ZNF267: variants seen among roughly 807,000 people sequenced by gnomAD.
ZNF267 encodes zinc finger (C2H2).
Under a neutral mutation model 71.6 loss-of-function variants are expected in ZNF267, and 61 were observed. The ratio of observed to expected loss-of-function variants is 0.85; its 90% CI spans 0.69 to 1.05. The LOEUF (loss-of-function observed/expected upper bound fraction) is 1.05. ZNF267 is among the 50% of genes least tolerant of loss of function. The pLI, the probability that ZNF267 is intolerant of heterozygous loss-of-function variation, is 0.00. For synonymous variants in ZNF267, 288 were observed against 293.2 expected, an observed-to-expected ratio of 0.98 and a Z score of 0.18; for missense variants, 852 against 870.0, an observed-to-expected ratio of 0.98 and a Z score of 0.26.
chr16:31,874,002 A>T (rs200426338), intron 1 of ZNF267, 33 bp downstream of exon 1: 3 of 1,603,170 alleles, frequency 1.9e-6, no homozygotes, highest in East Asian at 4.5e-5. Context: ...CCCCAGAGGG[A>T]GGGAGGGCGG....
At chr16:31,881,820 A>G (rs979581134) in intron 1 of ZNF267, among the ~76,000 whole-genome samples, 1 of 151,910 alleles carries the variant, frequency 6.6e-6, no homozygotes, top group Admixed American at 6.6e-5. Context: ...GTGTGCCACC[A>G]TGCACAGCTG....
chr16:31,917,164 C>T lies in ZNF267; in HGVS notation c.*683C>T, dbSNP rs1383083855. The T allele has an allele frequency of 1.3e-5, 2 of 151,792 alleles. No homozygotes were observed. The highest frequency in any genetic ancestry group is 4.8e-5 in the African/African-American group (2 of 41,302). The allele number at this position is 151,792 out of a possible 1,614,324, so 9.4% of individuals were successfully genotyped here. A position where few individuals can be genotyped will look rare whatever the true frequency, so the allele number is the denominator to read the frequency against. On this transcript the variant is annotated 3_prime_UTR_variant, in exon 4 of 4. Coordinates refer to ENST00000300870, the MANE Select transcript of ZNF267 (RefSeq NM_003414.6). ...AATATGTGTTCTGTTTTTTTTTCTGCATCAGAACAATGTGAGGTCATTCTA... is the reference window on the plus strand; with the variant it reads ...AATATGTGTTCTGTTTTTTTTTCTGTATCAGAACAATGTGAGGTCATTCTA...
In ZNF267 at chr16:31,914,832, G is replaced by T; in HGVS notation, c.583G>T (p.Val195Leu). The change falls in exon 4 of 4, where the codon GTG (valine) becomes TTG (leucine). Residue 195 changes from valine to leucine, a missense_variant. Physicochemically the swap from Val to Leu is conservative, Grantham distance 32 (BLOSUM62 1). Transcript: ENST00000300870. ...ACATCACATATATGATAAAACTTCA[G>T]TGTTATTTAGGCAGGTCTCTACTCT... Reference protein sequence around the residue: ...GKHHIYDKTSVLFRQVSTLNS... With the variant: ...GKHHIYDKTSLLFRQVSTLNS... The T allele has an allele frequency of 6.2e-7, 1 of 1,610,802 alleles. No individual in the cohort carries two copies. The highest frequency in any genetic ancestry group is 8.5e-7 in the Non-Finnish European group (1 of 1,179,064).
intron 1 of ZNF267, among the ~76,000 whole-genome samples, chr16:31,877,158 CTG>C (rs1390143434): frequency 6.6e-6 from 1 of 152,102 alleles, no homozygotes; most frequent in African/African-American, 2.4e-5. Flanking sequence ...GGTTTTCCCC[CTG>C]TGTTTTCCTA....
intron 3 of ZNF267, among the ~76,000 whole-genome samples, chr16:31,895,742 T>A (rs2083993584): frequency 2.0e-5 from 3 of 152,248 alleles, no homozygotes; most frequent in Non-Finnish European, 4.4e-5. Context: ...GAGCATTTTT[T>A]ATGTACCTGT....
chr16:31,892,148 G>A (rs1253100352), intron 3 of ZNF267, among the ~76,000 whole-genome samples: 2 of 152,136 alleles, frequency 1.3e-5, no homozygotes, highest in Admixed American at 6.5e-5. Flanking sequence ...ACAGTTCCAC[G>A]TGGCTGGGGA....
intron 3 of ZNF267, 138 bp downstream of exon 3, chr16:31,885,394 C>A: frequency 2.9e-6 from 2 of 679,752 alleles, no homozygotes; most frequent in Non-Finnish European, 4.6e-6. Context: ...CTTTCCCTTG[C>A]TGTCAAAGAG....
At chr16:31,906,091 G>A (rs1417385508) in intron 3 of ZNF267, among the ~76,000 whole-genome samples, 4 of 152,200 alleles carry the variant, frequency 2.6e-5, no homozygotes, top group African/African-American at 7.2e-5. Context: ...GGTGGCTGCT[G>A]AACAGCGGAT....
At position 31,873,907 on chromosome 16, in the gene ZNF267, C is replaced by G. The variant is rs957026129; in HGVS notation, c.-60C>G. On this transcript the variant is annotated 5_prime_UTR_variant, in exon 1 of 4. Transcript: ENST00000300870. ...AATAAACAGAACCTCTGTTGCTCTG[C>G]GACTTGCAGGCACTGGGAGATTCGT... is the stretch of plus-strand genomic sequence containing the variant. The G allele has an allele frequency of 5.2e-5, 84 of 1,611,652 alleles. No homozygotes were observed. Among genetic ancestry groups the G allele is most frequent in the Non-Finnish European group, 6.3e-5 (74 of 1,178,024 alleles).
Position 31,915,056 on chromosome 16 carries a change from T to C in ZNF267, c.807T>C (p.Cys269=). The change falls in exon 4 of 4, where the codon TGT becomes TGC. Residue 269 remains cysteine (C), a synonymous_variant. Coordinates refer to ENST00000300870, the MANE Select transcript of ZNF267 (RefSeq NM_003414.6). ...AGAAACAAGAACAGTCTTACAAATG[T>C]AATAAATGTGTAGAAGTTTGTACCC... ...GQEKQEQSYK[C]NKCVEVCTQS... is the part of the protein sequence containing the mutation. 6.2e-7 allele frequency: 1 copy of C among 1,613,082 alleles called. No homozygotes were observed. Among genetic ancestry groups the C allele is most frequent in the African/African-American group, 1.3e-5 (1 of 75,022 alleles).
intron 3 of ZNF267, among the ~76,000 whole-genome samples, chr16:31,898,076 C>T (rs2084012910): frequency 6.6e-6 from 1 of 151,998 alleles, no homozygotes; most frequent in Non-Finnish European, 1.5e-5. Flanking sequence ...GTATGGAAGT[C>T]TTCTACTATT....
At chr16:31,885,321 C>A in intron 3 of ZNF267, 65 bp downstream of exon 3, 1 of 1,397,676 alleles carries the variant, frequency 7.2e-7, no homozygotes, top group East Asian at 2.5e-5. Context: ...AAGAACCAGA[C>A]CTTGAAGTGT....
chr16:31,907,234 A>G (rs1034924844), intron 3 of ZNF267, among the ~76,000 whole-genome samples: 58 of 152,142 alleles, frequency 3.8e-4, no homozygotes, highest in African/African-American at 1.4e-3. Flanking sequence ...CATTTTCTCC[A>G]TCAAATTTGG....
chr16:31,904,625 T>C (rs1465075259), intron 3 of ZNF267, among the ~76,000 whole-genome samples: 1 of 152,238 alleles, frequency 6.6e-6, no homozygotes, highest in Admixed American at 6.5e-5. Flanking sequence ...TTTTTTTGTT[T>C]TCCATTTGCT....
chr16:31,892,137 T>A (rs893178800), intron 3 of ZNF267, among the ~76,000 whole-genome samples: 1 of 152,100 alleles, frequency 6.6e-6, no homozygotes, highest in Non-Finnish European at 1.5e-5. Flanking sequence ...TTAATGGACT[T>A]ACAGTTCCAC....
Position 31,916,183 on chromosome 16 carries a change from C to G in ZNF267, c.1934C>G (p.Ser645Ter). The G allele has an allele frequency of 1.2e-6, 2 of 1,614,182 alleles. No homozygotes were observed. The highest frequency in any genetic ancestry group is 8.5e-7 in the Non-Finnish European group (1 of 1,180,024). The change falls in exon 4 of 4, where the codon TCA (serine) becomes TGA (stop). Residue 645 changes from serine to a stop codon, truncating the protein, a stop_gained. Coordinates refer to ENST00000300870, the MANE Select transcript of ZNF267 (RefSeq NM_003414.6). LOFTEE classifies it high-confidence loss of function. The part of the protein sequence containing the change: ...EECGKAFNYR[S>*]YLTTHQRSHT... ...TGTGGCAAAGCCTTCAACTATAGGT[C>G]ATACCTCACTACACATCAGAGAAGT...
At chr16:31,881,649 T>C (rs2083890454) in intron 1 of ZNF267, among the ~76,000 whole-genome samples, 2 of 151,496 alleles carry the variant, frequency 1.3e-5, no homozygotes, top group African/African-American at 4.9e-5. Context: ...AAGAGAATAA[T>C]GAGAAATTCT....
At chr16:31,913,169 C>G (rs1040768939) in intron 3 of ZNF267, 1 of 152,148 alleles carries the variant, frequency 6.6e-6, no homozygotes, top group Non-Finnish European at 1.5e-5. Context: ...TTTGAAGGTA[C>G]TTGGATCTCA....
At chr16:31,875,023 G>A (rs1215954615) in intron 1 of ZNF267, 47 of 841,924 alleles carry the variant, frequency 5.6e-5, no homozygotes, top group Non-Finnish European at 7.7e-5. Context: ...GGAAAGCAGA[G>A]AATAAAAAAT....
Sources: allele counts gnomAD v4.1 joint callset (sites outside exome capture counted in the v4.1 genomes callset), GRCh38; gene constraint gnomAD v4.1.1; transcripts MANE v1.5; gene names NCBI Gene and HGNC (gene_info 2026-07-23, HGNC 2026-07-21).